The following MYO5B variants were observed in gnomAD, a reference collection of about 807,000 sequenced individuals.
The protein encoded by MYO5B is myosin VB, also known as unconventional myosin-Vb.
Under a neutral mutation model 229.3 loss-of-function variants are expected in MYO5B, and 143 were observed. That is an observed-to-expected ratio of 0.62 (90% CI 0.54 to 0.72). The LOEUF (loss-of-function observed/expected upper bound fraction) is 0.72, where lower values mean the gene tolerates loss of function less well. Among genes scored for constraint, MYO5B ranks in the 30% least tolerant of loss-of-function variants. The pLI, the probability that MYO5B is intolerant of heterozygous loss-of-function variation, is 0.00. For synonymous variants in MYO5B, 918 were observed against 885.2 expected (o/e 1.04, Z -0.66); for missense variants, 2,321 against 2,331.0 (o/e 1.00, Z 0.09).
intron 2 of MYO5B, among the ~76,000 whole-genome samples, chr18:50,043,332 T>TATATTATATATAATATATA (rs2030089267): frequency 1.2e-5 from 1 of 84,810 alleles, no homozygotes; most frequent in East Asian, 3.2e-4. Flanking sequence ...ATATATATTT[T>TATATTATATATAATATATA]ATATATTTAT....
chr18:50,169,138 C>A, intron 1 of MYO5B, among the ~76,000 whole-genome samples: 1 of 124,648 alleles, frequency 8.0e-6, no homozygotes, highest in African/African-American at 3.1e-5. Context: ...GGCCCCATGC[C>A]TACAAAAAAT....
At chr18:49,945,376 TAGAATCCTGTCC>T (rs922825738) in intron 14 of MYO5B, among the ~76,000 whole-genome samples, 1 of 152,144 alleles carries the variant, frequency 6.6e-6, no homozygotes, top group African/African-American at 2.4e-5. Flanking sequence ...TAGGTTAGGC[TAGAATCCTGTCC>T]TCACCCTACT....
intron 1 of MYO5B, among the ~76,000 whole-genome samples, chr18:50,163,645 T>C (rs1025452819): frequency 2.0e-5 from 3 of 152,200 alleles, no homozygotes; most frequent in Admixed American, 6.5e-5. Context: ...CATGAGCAAC[T>C]TCCCTAACAA....
At chr18:49,983,292 T>C (rs1210770554) in intron 8 of MYO5B, among the ~76,000 whole-genome samples, 1 of 152,186 alleles carries the variant, frequency 6.6e-6, no homozygotes, top group African/African-American at 2.4e-5. Flanking sequence ...CTGGTTCTGG[T>C]CCTCCATAGT....
At chr18:50,051,891 G>A (rs2030403590) in intron 2 of MYO5B, among the ~76,000 whole-genome samples, 1 of 152,122 alleles carries the variant, frequency 6.6e-6, no homozygotes, top group Non-Finnish European at 1.5e-5. Context: ...TTGGGAAGTT[G>A]GTGTTTAATG....
intron 21 of MYO5B, among the ~76,000 whole-genome samples, chr18:49,895,820 C>T (rs1443616891): frequency 6.6e-6 from 1 of 152,208 alleles, no homozygotes; most frequent in African/African-American, 2.4e-5. Context: ...AGGCAACACA[C>T]AGGTGTGAAA....
intron 1 of MYO5B, among the ~76,000 whole-genome samples, chr18:50,130,358 C>T (rs371013505): frequency 6.6e-6 from 1 of 152,120 alleles, no homozygotes; most frequent in Non-Finnish European, 1.5e-5. Flanking sequence ...TCCCAGTTGC[C>T]CTGTAGAATT....
intron 1 of MYO5B, among the ~76,000 whole-genome samples, chr18:50,163,057 T>C (rs1378277663): frequency 1.3e-5 from 2 of 152,240 alleles, no homozygotes; most frequent in African/African-American, 2.4e-5. Context: ...CAAAAATGAC[T>C]TCGTGAAGTA....
intron 4 of MYO5B, among the ~76,000 whole-genome samples, chr18:50,018,084 A>G (rs542276487): frequency 3.2e-4 from 48 of 152,162 alleles, no homozygotes; most frequent in African/African-American, 1.1e-3. Context: ...AATATTTTTA[A>G]TACATATTTT....
At chr18:50,163,799 A>C (rs1188153469) in intron 1 of MYO5B, among the ~76,000 whole-genome samples, 1 of 152,116 alleles carries the variant, frequency 6.6e-6, no homozygotes, top group East Asian at 1.9e-4. Flanking sequence ...GCCTGCCTGG[A>C]CTCCAGGTGA....
chr18:49,873,785 G>C (rs564461487), intron 26 of MYO5B, among the ~76,000 whole-genome samples: 1 of 152,350 alleles, frequency 6.6e-6, no homozygotes, highest in East Asian at 1.9e-4. Flanking sequence ...TATTGGCCAA[G>C]GTGACTTTGC....
intron 1 of MYO5B, among the ~76,000 whole-genome samples, chr18:50,111,077 G>C (rs2031856258): frequency 6.6e-6 from 1 of 152,158 alleles, no homozygotes; most frequent in Admixed American, 6.5e-5. Context: ...CTTTGGTGGA[G>C]ACTATATTAA....
chr18:50,194,190 C>G (rs577849146), intron 1 of MYO5B, among the ~76,000 whole-genome samples: 134 of 152,350 alleles, frequency 8.8e-4, no homozygotes, highest in Non-Finnish European at 1.7e-3. Context: ...TCCATCCAGC[C>G]GCCGCGCCCT....
chr18:49,870,793 CT>C lies in MYO5B; in HGVS notation c.3603+1373del, dbSNP rs796420284. The stretch of plus-strand genomic sequence containing the variant: ...TAAATAAATAAAAGAAAAGAAAATA[CT>C]ACGTGTTGGCAAGGATGTGGAGAAA... On this transcript the variant is annotated intron_variant, in intron 27 of 39. Transcript: ENST00000285039. Among the ~76,000 whole-genome samples, 8 of 152,204 alleles carry C rather than the reference CT, an allele frequency of 5.3e-5. No homozygotes were observed. The South Asian group carries it at 1.5e-3, about 28-fold the overall frequency.
At chr18:50,071,732 T>G (rs375680873) in intron 1 of MYO5B, among the ~76,000 whole-genome samples, 1 of 152,214 alleles carries the variant, frequency 6.6e-6, no homozygotes, top group Non-Finnish European at 1.5e-5. Flanking sequence ...TGTGGGAATT[T>G]CTGGGTCCTA....
At chr18:50,045,953 T>C (rs931478633) in intron 2 of MYO5B, among the ~76,000 whole-genome samples, 11 of 152,192 alleles carry the variant, frequency 7.2e-5, no homozygotes, top group African/African-American at 2.4e-4. Flanking sequence ...CTGTGTTACA[T>C]AGTACAACAG....
intron 4 of MYO5B, among the ~76,000 whole-genome samples, chr18:50,028,166 A>T (rs1405327160): frequency 6.6e-6 from 1 of 152,214 alleles, no homozygotes; most frequent in Admixed American, 6.5e-5. Context: ...TTCACTTTAA[A>T]TATGTGTAGT....
At chr18:50,161,054 A>G (rs942203873) in intron 1 of MYO5B, among the ~76,000 whole-genome samples, 1 of 152,164 alleles carries the variant, frequency 6.6e-6, no homozygotes, top group Non-Finnish European at 1.5e-5. Flanking sequence ...GCTGGACACA[A>G]AGCTCAAAGT....
At chr18:50,158,424 C>T (rs1399798308) in intron 1 of MYO5B, among the ~76,000 whole-genome samples, 1 of 152,184 alleles carries the variant, frequency 6.6e-6, no homozygotes, top group East Asian at 1.9e-4. Flanking sequence ...CTGGACTTTT[C>T]ATCTACATTT....
Sources: allele counts gnomAD v4.1 joint callset (sites outside exome capture counted in the v4.1 genomes callset), GRCh38; gene constraint gnomAD v4.1.1; transcripts MANE v1.5; gene names NCBI Gene and HGNC (gene_info 2026-07-23, HGNC 2026-07-21).